The following TMPRSS7 variants were observed in gnomAD, a reference collection of about 807,000 sequenced individuals.
TMPRSS7 encodes transmembrane serine protease 7, also known as transmembrane protease serine 7.
Under a neutral mutation model 95.6 loss-of-function variants are expected in TMPRSS7, and 81 were observed. The ratio of observed to expected loss-of-function variants is 0.85; its 90% CI spans 0.71 to 1.02. The LOEUF (loss-of-function observed/expected upper bound fraction) is 1.02. Ranked by LOEUF, TMPRSS7 falls within the 50% of genes least tolerant of loss-of-function variation. TMPRSS7 has a pLI of 0.00. For missense variants in TMPRSS7, 945 were observed against 955.2 expected, an observed-to-expected ratio of 0.99 and a Z score of 0.14; for synonymous variants, 364 against 337.8, an observed-to-expected ratio of 1.08 and a Z score of -0.85.
chr3:112,079,467 G>T (rs1400984831), intron 17 of TMPRSS7, among the ~76,000 whole-genome samples: 2 of 152,182 alleles, frequency 1.3e-5, no homozygotes, highest in African/African-American at 4.8e-5. Context: ...ATGCAGCCCA[G>T]GACAGCTTTG....
At chr3:112,080,792 G>T in intron 17 of TMPRSS7, 122 bp from the exon 18 acceptor site, 1 of 903,254 alleles carries the variant, frequency 1.1e-6, no homozygotes, top group East Asian at 2.9e-5. Flanking sequence ...ATTACAGAGT[G>T]ATTAGCCAAG....
intron 13 of TMPRSS7, among the ~76,000 whole-genome samples, chr3:112,068,836 C>T (rs1307702793): frequency 1.3e-5 from 2 of 152,162 alleles, no homozygotes; most frequent in African/African-American, 2.4e-5. Context: ...CCTGATTGCC[C>T]TGGCCAGAAC....
intron 13 of TMPRSS7, among the ~76,000 whole-genome samples, chr3:112,072,586 A>G (rs144810314): frequency 1.1e-3 from 167 of 152,378 alleles, no homozygotes; most frequent in Middle Eastern, 3.4e-3. Flanking sequence ...GGTGGAGTCT[A>G]TAGGGGCAGT....
At chr3:112,080,126 T>G (rs554062961) in intron 17 of TMPRSS7, among the ~76,000 whole-genome samples, 1 of 152,322 alleles carries the variant, frequency 6.6e-6, no homozygotes, top group South Asian at 2.1e-4. Context: ...TGGGCAAATT[T>G]GTTGCCTCTG....
chr3:112,048,717 A>G (rs1454157540), intron 7 of TMPRSS7, among the ~76,000 whole-genome samples: 1 of 152,218 alleles, frequency 6.6e-6, no homozygotes, highest in East Asian at 1.9e-4. Flanking sequence ...ATGAATGTGC[A>G]TGTTAAAAAT....
intron 13 of TMPRSS7, among the ~76,000 whole-genome samples, chr3:112,071,532 G>A (rs2073646079): frequency 6.6e-6 from 1 of 152,218 alleles, no homozygotes; most frequent in African/African-American, 2.4e-5. Flanking sequence ...ATAATATCCT[G>A]CAGAGTGTTT....
chr3:112,066,480 G>A, exon 13 of TMPRSS7: 1 of 1,613,904 alleles, frequency 6.2e-7, no homozygotes, highest in South Asian at 1.1e-5. Context: ...AGAATGGCCG[G>A]GATGAGCAAA....
intron 3 of TMPRSS7, among the ~76,000 whole-genome samples, chr3:112,043,805 T>C (rs994448392): frequency 6.6e-6 from 1 of 152,222 alleles, no homozygotes; most frequent in Non-Finnish European, 1.5e-5. Context: ...CTGGTAGACC[T>C]GGCTGTGGGT....
chr3:112,073,853 A>G (rs946945578), intron 13 of TMPRSS7, among the ~76,000 whole-genome samples: 1 of 152,192 alleles, frequency 6.6e-6, no homozygotes, highest in Non-Finnish European at 1.5e-5. Flanking sequence ...GAAGAAACAA[A>G]CCTCCAAGGT....
At chr3:112,074,333 T>G in exon 14 of TMPRSS7, 1 of 1,614,128 alleles carries the variant, frequency 6.2e-7, no homozygotes, top group Non-Finnish European at 8.5e-7. Flanking sequence ...AGTGTGGCAA[T>G]GATATTTGCT....
At chr3:112,038,191 C>A (rs1462824732) in exon 2 of TMPRSS7, 1 of 702,800 alleles carries the variant, frequency 1.4e-6, no homozygotes, top group Non-Finnish European at 2.6e-6. Flanking sequence ...GACCCATTGG[C>A]AAAGCCAAAC....
In TMPRSS7 at chr3:112,076,776, G is replaced by A. The variant is rs146740356; in HGVS notation, c.1956-100G>A. 846 of 1,389,730 alleles carry A rather than the reference G, an allele frequency of 6.1e-4. 6 individuals are homozygous for A. The African/African-American group carries it at 9.7e-3, about 16-fold the overall frequency. The allele number at this position is 1,389,730 out of a possible 1,614,324, so 86.1% of individuals were successfully genotyped here. ...GACTATAATAACACCCTGGAAGTCA[G>A]GCCCTTCTTTTTCAGCCCTCAACTC... On this transcript the variant is annotated intron_variant, in intron 15 of 17. Coordinates refer to ENST00000452346, the Ensembl canonical transcript of TMPRSS7.
intron 13 of TMPRSS7, among the ~76,000 whole-genome samples, chr3:112,069,981 C>G (rs922103743): frequency 3.9e-5 from 6 of 152,136 alleles, no homozygotes; most frequent in Admixed American, 6.5e-5. Context: ...ACAAATTTCC[C>G]TCTACACACC....
chr3:112,041,574 A>G (rs2073209223), intron 2 of TMPRSS7, among the ~76,000 whole-genome samples: 1 of 152,050 alleles, frequency 6.6e-6, no homozygotes, highest in Non-Finnish European at 1.5e-5. Flanking sequence ...ATAAATTACC[A>G]TTTATTCCTT....
At chr3:112,062,259 T>C (rs889231363) in intron 11 of TMPRSS7, among the ~76,000 whole-genome samples, 1 of 152,208 alleles carries the variant, frequency 6.6e-6, no homozygotes, top group Non-Finnish European at 1.5e-5. Context: ...TCATTCTCTG[T>C]AAATATGATG....
At chr3:112,050,890 A>C (rs1293730557) in intron 9 of TMPRSS7, 107 bp downstream of exon 9, 1 of 571,052 alleles carries the variant, frequency 1.8e-6, no homozygotes, top group African/African-American at 1.9e-5. Context: ...AATTTTATAA[A>C]ATTTCAGTAT....
At chr3:112,052,379 A>G (rs1009921939) in intron 9 of TMPRSS7, among the ~76,000 whole-genome samples, 6 of 151,966 alleles carry the variant, frequency 3.9e-5, no homozygotes, top group Admixed American at 3.9e-4. Context: ...TTTTTTGTGC[A>G]TAGTCATAAT....
At chr3:112,043,931 A>ATTT (rs1198431838) in intron 3 of TMPRSS7, among the ~76,000 whole-genome samples, 3 of 152,248 alleles carry the variant, frequency 2.0e-5, no homozygotes, top group Non-Finnish European at 4.4e-5. Flanking sequence ...ATGTACTTAA[A>ATTT]TGAGTTTGAT....
chr3:112,050,706 G>A (rs561156672), exon 9 of TMPRSS7: 1 of 1,605,138 alleles, frequency 6.2e-7, no homozygotes, highest in African/African-American at 1.3e-5. Context: ...AGACATCACT[G>A]GCTTTGAAGG....
Sources: allele counts gnomAD v4.1 joint callset (sites outside exome capture counted in the v4.1 genomes callset), GRCh38; gene constraint gnomAD v4.1.1; transcripts MANE v1.5; gene names NCBI Gene and HGNC (gene_info 2026-07-23, HGNC 2026-07-21).